AHCYL2: variants seen among roughly 807,000 people sequenced by gnomAD.
AHCYL2 encodes adenosylhomocysteinase like 2.
AHCYL2 carries 28 observed loss-of-function variants against 81.4 expected under a neutral mutation model. The observed-to-expected ratio is 0.34, with a 90% CI of 0.25 to 0.47. AHCYL2 has a LOEUF of 0.47. AHCYL2 is among the 20% of genes least tolerant of loss of function. AHCYL2 has a pLI of 1.00. For missense variants in AHCYL2, 551 were observed against 785.1 expected, an observed-to-expected ratio of 0.70 and a Z score of 3.56; for synonymous variants, 272 against 290.2, an observed-to-expected ratio of 0.94 and a Z score of 0.64.
chr7:129,367,017 G>C (rs1221602291), intron 1 of AHCYL2, among the ~76,000 whole-genome samples: 2 of 152,184 alleles, frequency 1.3e-5, no homozygotes, highest in Admixed American at 1.3e-4. Flanking sequence ...GGGTAGATAA[G>C]AGACAAATGG....
intron 1 of AHCYL2, among the ~76,000 whole-genome samples, chr7:129,297,059 T>C (rs1797072296): frequency 6.6e-6 from 1 of 152,220 alleles, no homozygotes; most frequent in South Asian, 2.1e-4. Context: ...AGCCAACTTG[T>C]GAAGACTGTG....
intron 1 of AHCYL2, among the ~76,000 whole-genome samples, chr7:129,366,294 T>G (rs1011597839): frequency 3.3e-5 from 5 of 152,150 alleles, no homozygotes; most frequent in African/African-American, 1.2e-4. Flanking sequence ...TGCCTTTCTC[T>G]CCAGTCAAAC....
At chr7:129,398,342 T>A (rs561912226) in intron 5 of AHCYL2, among the ~76,000 whole-genome samples, 2 of 150,290 alleles carry the variant, frequency 1.3e-5, no homozygotes, top group East Asian at 3.9e-4. Flanking sequence ...TTTTTAAATT[T>A]AATTTAATTT....
At chr7:129,375,656 C>A in intron 1 of AHCYL2, 1 of 1,371,272 alleles carries the variant, frequency 7.3e-7, no homozygotes, top group Non-Finnish European at 9.4e-7. Context: ...GGCTGTTGAG[C>A]CACTAACAGA....
intron 11 of AHCYL2, chr7:129,410,156 T>C: frequency 6.2e-7 from 1 of 1,602,334 alleles, no homozygotes; most frequent in Non-Finnish European, 8.5e-7. Context: ...ATTATTGGGC[T>C]TGGGTTGGGG....
rs1402869560 is a variant in AHCYL2 at position 129,346,628 on chromosome 7, C to G, written c.364-33010C>G. 3.3e-5 allele frequency among the ~76,000 whole-genome samples: 5 copies of G among 152,148 alleles called. No homozygotes were observed. The East Asian group carries it at 9.6e-4, about 29-fold the overall frequency. ...ATGCCAAAATTCAGAACACTGATAA[C>G]ACCAAGTTATCAACACCTAATGAGG... On this transcript the variant is annotated intron_variant, in intron 1 of 16. Coordinates refer to ENST00000325006, the MANE Select transcript of AHCYL2 (RefSeq NM_015328.4).
At chr7:129,235,299 T>A (rs977379899) in intron 1 of AHCYL2, among the ~76,000 whole-genome samples, 2 of 152,020 alleles carry the variant, frequency 1.3e-5, no homozygotes, top group Non-Finnish European at 2.9e-5. Context: ...TTGCTCAGGC[T>A]GGAGTGCAAT....
At chr7:129,308,785 T>C (rs1313212521) in intron 1 of AHCYL2, among the ~76,000 whole-genome samples, 1 of 152,198 alleles carries the variant, frequency 6.6e-6, no homozygotes, top group Non-Finnish European at 1.5e-5. Flanking sequence ...GTGAGGAGCA[T>C]GTGGGGTTGG....
intron 1 of AHCYL2, among the ~76,000 whole-genome samples, chr7:129,341,595 G>A (rs1037172635): frequency 4.6e-5 from 7 of 152,310 alleles, no homozygotes; most frequent in Admixed American, 1.3e-4. Context: ...GAGAAAGAAA[G>A]GGAAAGTATA....
intron 1 of AHCYL2, among the ~76,000 whole-genome samples, chr7:129,348,319 A>T (rs1403126674): frequency 6.6e-6 from 1 of 152,088 alleles, no homozygotes; most frequent in Non-Finnish European, 1.5e-5. Flanking sequence ...TCTTCAAGAT[A>T]ATGTTGAGGG....
chr7:129,290,500 CAAA>C (rs76196258), intron 1 of AHCYL2, among the ~76,000 whole-genome samples: 5 of 61,518 alleles, frequency 8.1e-5, no homozygotes, highest in Admixed American at 1.7e-4. Flanking sequence ...GACTCTGTCT[CAAA>C]AAAAAAAAAA....
At chr7:129,258,917 GCATTCCTTTATTACAT>G (rs1795522711) in intron 1 of AHCYL2, among the ~76,000 whole-genome samples, 1 of 152,070 alleles carries the variant, frequency 6.6e-6, no homozygotes, top group South Asian at 2.1e-4. Flanking sequence ...ACTTGTTAGG[GCATTCCTTTATTACAT>G]CTACAACTAG....
At chr7:129,248,575 A>T (rs1451841810) in intron 1 of AHCYL2, among the ~76,000 whole-genome samples, 3 of 147,018 alleles carry the variant, frequency 2.0e-5, no homozygotes, top group Non-Finnish European at 4.5e-5. Flanking sequence ...ACCCATGGAT[A>T]TGAGGGCTGA....
chr7:129,384,110 A>T (rs768398669), intron 2 of AHCYL2, among the ~76,000 whole-genome samples: 1 of 151,970 alleles, frequency 6.6e-6, no homozygotes, highest in Non-Finnish European at 1.5e-5. Context: ...AATATATACA[A>T]TTTTTGTCAA....
chr7:129,340,707 T>TAA (rs71162595), intron 1 of AHCYL2, among the ~76,000 whole-genome samples: 133,437 of 152,072 alleles, frequency 0.88, 58,908 homozygotes, highest in East Asian at 0.98. Context: ...TTTACCCATT[T>TAA]GAGTTTTTTA....
intron 1 of AHCYL2, among the ~76,000 whole-genome samples, chr7:129,252,244 T>A (rs1445691428): frequency 6.6e-6 from 1 of 152,234 alleles, no homozygotes; most frequent in Non-Finnish European, 1.5e-5. Flanking sequence ...CTCTGTCAGA[T>A]GGCACTGATA....
intron 2 of AHCYL2, chr7:129,388,267 T>A (rs1795292563): frequency 6.6e-6 from 1 of 152,174 alleles, no homozygotes; most frequent in African/African-American, 2.4e-5. Context: ...CAGAATCCTA[T>A]GAAGACTAAA....
At chr7:129,348,524 C>G (rs1018908109) in intron 1 of AHCYL2, among the ~76,000 whole-genome samples, 2 of 152,016 alleles carry the variant, frequency 1.3e-5, no homozygotes, top group Non-Finnish European at 2.9e-5. Context: ...TCACCATATA[C>G]TCTTTATATC....
rs528263675 is a variant in AHCYL2, at chr7:129,397,594, T to C, written c.823+270T>C. On this transcript the variant is annotated intron_variant, in intron 5 of 16. Coordinates refer to ENST00000325006, the MANE Select transcript of AHCYL2 (RefSeq NM_015328.4). ...TTGTTTTAACTCACTAATTCACTAATAGCAGAGCACTAGTGAACACTACTC... is the reference window on the plus strand; with the variant it reads ...TTGTTTTAACTCACTAATTCACTAACAGCAGAGCACTAGTGAACACTACTC... Among the ~76,000 whole-genome samples the C allele has an allele frequency of 4.6e-5, 7 of 152,362 alleles. No individual in the cohort carries two copies. The South Asian group carries it at 1.2e-3, about 27-fold the overall frequency.
Sources: gnomAD v4.1 joint callset for allele counts (sites outside exome capture counted in the v4.1 genomes callset) on GRCh38, gnomAD v4.1.1 for gene constraint, MANE v1.5 for transcripts, NCBI Gene and HGNC (gene_info 2026-07-23, HGNC 2026-07-21) for gene names.